The following UGT2B7 variants were observed in gnomAD, a reference collection of about 807,000 sequenced individuals.
UGT2B7 encodes the protein UDP-glucuronosyltransferase 2B7.
In UGT2B7, 51 loss-of-function variants were observed where a neutral mutation model predicts 51.9. The ratio of observed to expected loss-of-function variants is 0.98; its 90% CI spans 0.78 to 1.24. UGT2B7 has a LOEUF of 1.24. UGT2B7 is among the 50% of genes most tolerant of loss of function. The pLI is 0.00. For missense variants in UGT2B7, 727 were observed against 628.4 expected (o/e 1.16, Z -1.68); for synonymous variants, 225 against 211.6 (o/e 1.06, Z -0.55).
Position 69,078,747 on chromosome 4 carries a change from C to T in UGT2B7, c.-158-10725C>T, listed in dbSNP as rs530732129. ...CCTGAAGTTCAGATGAAAGTGAGAA[C>T]GCTAGGTGGGTTGGAAGCTCTTGCA... On this transcript the variant is annotated intron_variant, in intron 1 of 5. Transcript: ENST00000502942. Among the ~76,000 whole-genome samples, 17 of 152,176 alleles carry T rather than the reference C, an allele frequency of 1.1e-4. No individual in the cohort carries two copies. In the Middle Eastern group the frequency reaches 0.014, roughly 122 times the overall value.
rs1719262382 is a variant in UGT2B7, at chr4:69,097,059, T to C, written c.539T>C (p.Phe180Ser). 1 of 1,613,712 alleles carries C rather than the reference T, an allele frequency of 6.2e-7. No homozygotes were observed. Among genetic ancestry groups the C allele is most frequent in the African/African-American group, 1.3e-5 (1 of 74,918 alleles). ...CTCAGCTTCTCTCCTGGCTACACTTTTGAAAAGCATAGTGGAGGATTTATT... is the reference window on the plus strand; with the variant it reads ...CTCAGCTTCTCTCCTGGCTACACTTCTGAAAAGCATAGTGGAGGATTTATT... ...YSLSFSPGYT[F>S]EKHSGGFIFP... is the part of the protein sequence containing the mutation. The change falls in exon 1 of 6, where the codon TTT (phenylalanine) becomes TCT (serine). Residue 180 changes from phenylalanine (F) to serine (S), a missense_variant. Coordinates refer to ENST00000305231, the MANE Select transcript of UGT2B7 (RefSeq NM_001074.4).
chr4:69,102,741 C>T, intron 2 of UGT2B7, 66 bp from the exon 3 acceptor site: 2 of 1,560,852 alleles, frequency 1.3e-6, no homozygotes, highest in East Asian at 2.3e-5. Flanking sequence ...TAATTTGCAC[C>T]AATTCTTTTG....
rs1299959803 is a variant in UGT2B7, at chr4:69,076,025, C to T, written c.-158-13447C>T. ...GCTCCCACTTATGTGTGAGAACATG[C>T]GGTGTTAGATTTTCTGTTCTTGTGA... On this transcript the variant is annotated intron_variant, in intron 1 of 5. Transcript: ENST00000502942. Among the ~76,000 whole-genome samples, 6 of 151,820 alleles carry T rather than the reference C, an allele frequency of 4.0e-5. No individual in the cohort carries two copies. The East Asian group carries it at 5.8e-4, about 15-fold the overall frequency.
At chr4:69,069,484 C>T (rs1240918760) in intron 1 of UGT2B7, among the ~76,000 whole-genome samples, 1 of 151,834 alleles carries the variant, frequency 6.6e-6, no homozygotes, top group East Asian at 1.9e-4. Context: ...AAATTCTAGC[C>T]CATAAAACAA....
chr4:69,100,867 A>G (rs929072019), intron 2 of UGT2B7, among the ~76,000 whole-genome samples: 3 of 152,140 alleles, frequency 2.0e-5, no homozygotes, highest in Non-Finnish European at 2.9e-5. Context: ...ATAATTTCTT[A>G]TAAGAGAAAA....
chr4:69,069,349 C>A (rs60930838), intron 1 of UGT2B7, among the ~76,000 whole-genome samples: 14 of 151,672 alleles, frequency 9.2e-5, no homozygotes, highest in Non-Finnish European at 1.5e-5. Context: ...CTGGATAATT[C>A]AATCTCTGTA....
At position 69,112,661 on chromosome 4, in the gene UGT2B7, A is replaced by G; in HGVS notation, c.1515A>G (p.Ile505Met). The change falls in exon 6 of 6, where the codon ATA becomes ATG. Residue 505 changes from isoleucine to methionine, a missense_variant. Physicochemically the swap from Ile to Met is conservative, Grantham distance 10. Coordinates refer to ENST00000305231, the MANE Select transcript of UGT2B7 (RefSeq NM_001074.4). ...TGCTGGTCTGTGTGGCAACTGTGATATTTATCGTCACAAAATGTTGTCTGT... is the reference window on the plus strand; with the variant it reads ...TGCTGGTCTGTGTGGCAACTGTGATGTTTATCGTCACAAAATGTTGTCTGT... ...GFLLVCVATVIFIVTKCCLFC... is the reference protein window; with the variant it reads ...GFLLVCVATVMFIVTKCCLFC... 9 of 1,613,894 alleles carry G rather than the reference A, an allele frequency of 5.6e-6. No individual in the cohort carries two copies. Among genetic ancestry groups the G allele is most frequent in the Non-Finnish European group, 7.6e-6 (9 of 1,179,862 alleles).
At chr4:69,066,705 C>G (rs1346201872) in intron 1 of UGT2B7, among the ~76,000 whole-genome samples, 1 of 152,022 alleles carries the variant, frequency 6.6e-6, no homozygotes, top group Non-Finnish European at 1.5e-5. Flanking sequence ...TTCTTTATGG[C>G]CAGAAACAAA....
chr4:69,095,112 A>G (rs1719186627), upstream of UGT2B7, among the ~76,000 whole-genome samples: 1 of 152,198 alleles, frequency 6.6e-6, no homozygotes, highest in Non-Finnish European at 1.5e-5. Context: ...CAACAGTTTC[A>G]TATGCTTACT....
upstream of UGT2B7, chr4:69,096,394 G>A: frequency 7.0e-7 from 1 of 1,431,442 alleles, no homozygotes; most frequent in South Asian, 1.3e-5. Flanking sequence ...TTGATTTAAT[G>A]ATATTGTATG....
chr4:69,086,276 GTATAGTTGT>G (rs1718955274), intron 1 of UGT2B7, among the ~76,000 whole-genome samples: 1 of 151,594 alleles, frequency 6.6e-6, no homozygotes, highest in African/African-American at 2.4e-5. Context: ...TTTAATTTAT[GTATAGTTGT>G]ACATGTTCCC....
rs1324244737 is a variant in UGT2B7, at chr4:69,063,101, C to T, written c.-159+11499C>T. Among the ~76,000 whole-genome samples the T allele has an allele frequency of 5.3e-5, 8 of 151,578 alleles. 1 individual carries two copies. Among genetic ancestry groups the T allele is most frequent in the East Asian group, 1.9e-4 (1 of 5,140 alleles). On this transcript the variant is annotated intron_variant, in intron 1 of 5. Transcript: ENST00000502942. Reference sequence around the variant, plus strand: ...TTGGGAGGCCGAGGCGGGCGGATCACGAGGTCAGGAGATCGAGACCATCCC... The same window carrying T: ...TTGGGAGGCCGAGGCGGGCGGATCATGAGGTCAGGAGATCGAGACCATCCC...
chr4:69,072,198 G>A (rs1718617077), intron 1 of UGT2B7, among the ~76,000 whole-genome samples: 1 of 152,078 alleles, frequency 6.6e-6, no homozygotes, highest in Admixed American at 6.6e-5. Context: ...TCAATATTGT[G>A]CATGTGTCTG....
chr4:69,100,186 C>T (rs560375947), intron 2 of UGT2B7, among the ~76,000 whole-genome samples: 2 of 152,046 alleles, frequency 1.3e-5, no homozygotes, highest in Non-Finnish European at 1.5e-5. Context: ...TGTGGGAACT[C>T]GTCTCAACAT....
chr4:69,112,839 A>AG lies in UGT2B7; in HGVS notation c.*103_*104insG. The AG allele has an allele frequency of 6.8e-6, 9 of 1,318,064 alleles. No individual in the cohort carries two copies. The highest frequency in any genetic ancestry group is 2.0e-4 in the Middle Eastern group (1 of 5,084). 81.6% of individuals were successfully genotyped at this position (1,318,064 alleles called of 1,614,324 possible). A position where few individuals can be genotyped will look rare whatever the true frequency, so the allele number is the denominator to read the frequency against. On this transcript the variant is annotated 3_prime_UTR_variant, in exon 6 of 6. Transcript: ENST00000305231. ...CAAGATTTCTTTCTTCCTGAGACAA[A>AG]AAAAAAAAAAGAAAAAAAAATCTTT...
chr4:69,091,083 G>A (rs2109879459), intron 2 of UGT2B7, among the ~76,000 whole-genome samples: 1 of 152,116 alleles, frequency 6.6e-6, no homozygotes, highest in African/African-American at 2.4e-5. Context: ...ACACTGCCTA[G>A]GTCCAATCAA....
chr4:69,056,222 C>T (rs1718192699), intron 1 of UGT2B7, among the ~76,000 whole-genome samples: 2 of 152,148 alleles, frequency 1.3e-5, no homozygotes, highest in Admixed American at 6.5e-5. Context: ...CTGAAAAAAT[C>T]ATACAATACT....
intron 1 of UGT2B7, among the ~76,000 whole-genome samples, chr4:69,068,112 A>T (rs1367172423): frequency 6.6e-6 from 1 of 152,108 alleles, no homozygotes; most frequent in Non-Finnish European, 1.5e-5. Flanking sequence ...AAACATATTC[A>T]TGATCTCATA....
At chr4:69,057,507 G>A (rs1283810942) in intron 1 of UGT2B7, among the ~76,000 whole-genome samples, 1 of 152,194 alleles carries the variant, frequency 6.6e-6, no homozygotes, top group African/African-American at 2.4e-5. Flanking sequence ...ATTACCATAT[G>A]ATGCAGCAAT....
Sources: allele counts gnomAD v4.1 joint callset (sites outside exome capture counted in the v4.1 genomes callset), GRCh38; gene constraint gnomAD v4.1.1; transcripts MANE v1.5; gene names NCBI Gene and HGNC (gene_info 2026-07-23, HGNC 2026-07-21).